Variants in MLPH observed in about 807,000 individuals in gnomAD.
MLPH encodes the protein melanophilin.
MLPH carries 51 observed loss-of-function variants against 72.1 expected under a neutral mutation model. That is an observed-to-expected ratio of 0.71 (90% CI 0.56 to 0.89). The LOEUF is 0.89. Among genes scored for constraint, MLPH ranks in the 40% least tolerant of loss-of-function variants. The probability of loss-of-function intolerance (pLI) is 0.00; values close to 1 mark genes in which losing one functional copy is unlikely to be tolerated. For missense variants in MLPH, 743 were observed against 759.9 expected, an observed-to-expected ratio of 0.98 and a Z score of 0.26; for synonymous variants, 301 against 310.1, an observed-to-expected ratio of 0.97 and a Z score of 0.31.
intron 15 of MLPH, among the ~76,000 whole-genome samples, chr2:237,552,665 A>C (rs1008286770): frequency 6.6e-6 from 1 of 152,252 alleles, no homozygotes; most frequent in Non-Finnish European, 1.5e-5. Context: ...TTAAATTTTC[A>C]AATATCTGCT....
chr2:237,531,957 C>A (rs1310712790), intron 8 of MLPH, among the ~76,000 whole-genome samples: 1 of 152,188 alleles, frequency 6.6e-6, no homozygotes, highest in Non-Finnish European at 1.5e-5. Flanking sequence ...TCTCAAGACT[C>A]AGAATTTAAA....
intron 2 of MLPH, among the ~76,000 whole-genome samples, chr2:237,496,599 C>T (rs1436057992): frequency 6.6e-6 from 1 of 152,204 alleles, no homozygotes; most frequent in Non-Finnish European, 1.5e-5. Flanking sequence ...GCCTGGTGGG[C>T]CGCTGATGGC....
At chr2:237,536,706 G>A (rs1230486022) in intron 9 of MLPH, among the ~76,000 whole-genome samples, 1 of 152,138 alleles carries the variant, frequency 6.6e-6, no homozygotes, top group Non-Finnish European at 1.5e-5. Flanking sequence ...CCTCTCAGGT[G>A]GACACTGGAG....
chr2:237,517,133 G>A (rs2080052543), intron 4 of MLPH, among the ~76,000 whole-genome samples: 6 of 151,820 alleles, frequency 4.0e-5, no homozygotes, highest in Admixed American at 3.9e-4. Flanking sequence ...AGATGTCTGA[G>A]TGGATGAATG....
chr2:237,540,697 C>T (rs1196803836), intron 10 of MLPH, 105 bp from the exon 11 acceptor site: 30 of 1,535,058 alleles, frequency 2.0e-5, no homozygotes, highest in Non-Finnish European at 2.6e-5. Context: ...GACCAACCAG[C>T]TCCCAGGGTT....
chr2:237,542,577 T>G lies in MLPH; in HGVS notation c.1457T>G (p.Ile486Ser), dbSNP rs777970598. The change falls in exon 12 of 16, where the codon ATT becomes AGT. Residue 486 changes from isoleucine to serine, a missense_variant. Coordinates refer to ENST00000264605, the MANE Select transcript of MLPH (RefSeq NM_024101.7). ...GCTGTCCTCTCGCAGGTTTCAGACA[T>G]TGAATCCAGGATTGCAGCCCTGAGG... ...VQQAESEVSD[I>S]ESRIAALRAA... The G allele has an allele frequency of 6.2e-7, 1 of 1,600,394 alleles. No individual in the cohort carries two copies. The highest frequency in any genetic ancestry group is 8.5e-7 in the Non-Finnish European group (1 of 1,173,876).
At chr2:237,490,710 G>A (rs1015069075) in intron 1 of MLPH, among the ~76,000 whole-genome samples, 2 of 152,058 alleles carry the variant, frequency 1.3e-5, no homozygotes, top group East Asian at 3.9e-4. Context: ...AAATAAAAGT[G>A]AATGAACTCC....
At chr2:237,508,300 C>T (rs534571378) in intron 2 of MLPH, among the ~76,000 whole-genome samples, 165 of 152,052 alleles carry the variant, frequency 1.1e-3, no homozygotes, top group African/African-American at 3.6e-3. Flanking sequence ...TTAGTAGAGA[C>T]GGGGTTTCAC....
rs138178331 is a variant in MLPH at position 237,516,088 on chromosome 2, G to A, written c.446-2451G>A. Among the ~76,000 whole-genome samples, 1,393 of 152,354 alleles carry A rather than the reference G, an allele frequency of 9.1e-3. 26 individuals carry two copies. Among genetic ancestry groups the A allele is most frequent in the African/African-American group, 0.032 (1,329 of 41,580 alleles). On this transcript the variant is annotated intron_variant, in intron 4 of 15. Transcript: ENST00000264605. ...GCCTGCTTGTTCACACCTGTGACCCGTGAGGCACAGAGAGCAAGGGGCAGG... is the reference window on the plus strand; with the variant it reads ...GCCTGCTTGTTCACACCTGTGACCCATGAGGCACAGAGAGCAAGGGGCAGG...
intron 6 of MLPH, among the ~76,000 whole-genome samples, chr2:237,522,681 G>C (rs950159357): frequency 6.6e-6 from 1 of 152,222 alleles, no homozygotes. Context: ...CTGAGACTGG[G>C]GTTGGGCCTT....
At chr2:237,516,873 G>A (rs57131366) in intron 4 of MLPH, among the ~76,000 whole-genome samples, 8 of 129,766 alleles carry the variant, frequency 6.2e-5, no homozygotes, top group South Asian at 2.7e-4. Flanking sequence ...GGATGGATGG[G>A]TGGATGGATG....
In MLPH at chr2:237,527,431, A is replaced by G. The variant is rs2080327731; in HGVS notation, c.935A>G (p.Asp312Gly). The change falls in exon 8 of 16, where the codon GAC becomes GGC. Residue 312 changes from aspartate (D) to glycine (G), a missense_variant. Coordinates refer to ENST00000264605, the MANE Select transcript of MLPH (RefSeq NM_024101.7). ...CCCCTGCAGTACTTGGCCGATGTGG[A>G]CACCTCTGATGAGGAAAGCATCCGG... Reference protein sequence around the residue: ...QLPLQYLADVDTSDEESIRAH... With the variant: ...QLPLQYLADVGTSDEESIRAH... 2.5e-6 allele frequency: 4 copies of G among 1,614,200 alleles called. No individual in the cohort carries two copies. Among genetic ancestry groups the G allele is most frequent in the East Asian group, 2.2e-5 (1 of 44,888 alleles).
Sources: gnomAD v4.1 joint callset for allele counts (sites outside exome capture counted in the v4.1 genomes callset) on GRCh38, gnomAD v4.1.1 for gene constraint, MANE v1.5 for transcripts, NCBI Gene and HGNC (gene_info 2026-07-23, HGNC 2026-07-21) for gene names.